The following NNMT variants were observed in gnomAD, a reference collection of about 807,000 sequenced individuals.
NNMT encodes the protein nicotinamide N-methyltransferase.
A neutral mutation model predicts 11.7 loss-of-function variants in NNMT; 10 were observed. The observed-to-expected ratio is 0.85, with a 90% CI of 0.53 to 1.45. The LOEUF is 1.45. NNMT is among the 40% of genes most tolerant of loss of function. The pLI is 0.00. For synonymous variants in NNMT, 143 were observed against 133.8 expected, an observed-to-expected ratio of 1.07 and a Z score of -0.48; for missense variants, 381 against 319.4, an observed-to-expected ratio of 1.19 and a Z score of -1.47.
chr11:114,265,996 G>A (rs947212887), intron 2 of NNMT, among the ~76,000 whole-genome samples: 5 of 152,082 alleles, frequency 3.3e-5, no homozygotes, highest in Non-Finnish European at 1.5e-5. Flanking sequence ...TTTTAATAAT[G>A]AGCCTTTAAT....
intron 2 of NNMT, among the ~76,000 whole-genome samples, chr11:114,305,533 G>A (rs1945482974): frequency 7.2e-6 from 1 of 139,540 alleles, no homozygotes; most frequent in Admixed American, 7.6e-5. Flanking sequence ...GGTGTGTGAT[G>A]TTCCCCACCC....
At chr11:114,289,463 T>C (rs1037927959) in intron 2 of NNMT, among the ~76,000 whole-genome samples, 2 of 152,184 alleles carry the variant, frequency 1.3e-5, no homozygotes, top group African/African-American at 4.8e-5. Context: ...ACTTTCAGTT[T>C]TTCTTCTTTA....
At chr11:114,298,183 T>C in intron 2 of NNMT, 25 bp downstream of exon 2, 1 of 1,609,964 alleles carries the variant, frequency 6.2e-7, no homozygotes, top group East Asian at 2.2e-5. Flanking sequence ...GTCTACTTCT[T>C]GGCTTTTGAA....
intron 2 of NNMT, among the ~76,000 whole-genome samples, chr11:114,283,648 T>A (rs1000580651): frequency 2.0e-5 from 3 of 152,226 alleles, no homozygotes; most frequent in African/African-American, 4.8e-5. Flanking sequence ...CTTAGTTTTC[T>A]TTACAGAATC....
intron 2 of NNMT, among the ~76,000 whole-genome samples, chr11:114,306,045 G>C (rs1945489359): frequency 1.3e-5 from 2 of 151,808 alleles, no homozygotes; most frequent in African/African-American, 2.4e-5. Flanking sequence ...ACCATTCTAA[G>C]TGGTGTGAGA....
At chr11:114,281,594 CACA>C (rs1464806326) in intron 2 of NNMT, among the ~76,000 whole-genome samples, 1 of 152,146 alleles carries the variant, frequency 6.6e-6, no homozygotes, top group Admixed American at 6.5e-5. Context: ...AAAGTCAAGA[CACA>C]ACATGAGAGG....
intron 1 of NNMT, among the ~76,000 whole-genome samples, chr11:114,258,342 G>A (rs1945047356): frequency 6.6e-6 from 1 of 152,250 alleles, no homozygotes; most frequent in Non-Finnish European, 1.5e-5. Flanking sequence ...GTCGCTCTGA[G>A]GAACTCCTCT....
At chr11:114,260,138 C>T (rs1302000786) in intron 1 of NNMT, among the ~76,000 whole-genome samples, 1 of 152,190 alleles carries the variant, frequency 6.6e-6, no homozygotes, top group Non-Finnish European at 1.5e-5. Context: ...TGCCTTTCAG[C>T]CTTCACTTGT....
chr11:114,305,008 C>T (rs1003375413), intron 2 of NNMT, among the ~76,000 whole-genome samples: 2 of 152,212 alleles, frequency 1.3e-5, no homozygotes, highest in African/African-American at 4.8e-5. Context: ...ACCTATGGTT[C>T]CTGGAACTTG....
rs763377091 is a variant in NNMT at position 114,298,174 on chromosome 11, T to A, written c.362+16T>A. On this transcript the variant is annotated intron_variant, in intron 2 of 2. Transcript: ENST00000299964. ...AAGGGAACAGGTAGAGAAACTGGTG[T>A]CTACTTCTTGGCTTTTGAAGGTACC... 6.2e-7 allele frequency: 1 copy of A among 1,612,246 alleles called. No homozygotes were observed. Among genetic ancestry groups the A allele is most frequent in the Admixed American group, 1.7e-5 (1 of 59,936 alleles).
chr11:114,304,000 G>T (rs753752084), intron 2 of NNMT, among the ~76,000 whole-genome samples: 42 of 152,078 alleles, frequency 2.8e-4, no homozygotes, highest in Non-Finnish European at 5.4e-4. Context: ...TCAAAGTGGG[G>T]CTATATTCTT....
chr11:114,278,495 C>T (rs935751427), intron 2 of NNMT, among the ~76,000 whole-genome samples: 3 of 152,054 alleles, frequency 2.0e-5, no homozygotes, highest in African/African-American at 7.2e-5. Flanking sequence ...GGCACTGTCC[C>T]TAGAAGGCAC....
intron 2 of NNMT, among the ~76,000 whole-genome samples, chr11:114,308,568 G>C (rs1452301339): frequency 1.3e-5 from 2 of 152,118 alleles, no homozygotes; most frequent in African/African-American, 4.8e-5. Context: ...TATTTACAGA[G>C]GACAGGGCTA....
At chr11:114,265,630 C>T (rs1945114209) in intron 2 of NNMT, among the ~76,000 whole-genome samples, 8 of 152,134 alleles carry the variant, frequency 5.3e-5, no homozygotes, top group Admixed American at 5.2e-4. Flanking sequence ...AGGACCAGCC[C>T]AATTCCTGCT....
At chr11:114,309,496 A>T (rs1945528216) in intron 2 of NNMT, among the ~76,000 whole-genome samples, 1 of 152,154 alleles carries the variant, frequency 6.6e-6, no homozygotes, top group Non-Finnish European at 1.5e-5. Flanking sequence ...GGTAGACCCA[A>T]CCAAGGATAA....
rs140075187 is a variant in NNMT at position 114,259,531 on chromosome 11, A to G, written c.-217+1653A>G. Among the ~76,000 whole-genome samples, 80 of 152,286 alleles carry G rather than the reference A, an allele frequency of 5.3e-4. No individual in the cohort carries two copies. In the South Asian group the frequency reaches 0.016, roughly 30 times the overall value. On this transcript the variant is annotated intron_variant, in intron 1 of 4. Coordinates refer to the NNMT transcript ENST00000535401. ...GGCAGGAGAGGGGCTGGGGGGTTGC[A>G]TATGTAGACACCTGGTCCTTGGCCC...
intron 2 of NNMT, among the ~76,000 whole-genome samples, chr11:114,289,844 T>C (rs1945322423): frequency 6.6e-6 from 1 of 152,186 alleles, no homozygotes; most frequent in Non-Finnish European, 1.5e-5. Flanking sequence ...CAAAATGCCA[T>C]AAACGAGGTG....
intron 2 of NNMT, among the ~76,000 whole-genome samples, chr11:114,309,166 T>C (rs1327745565): frequency 6.6e-6 from 1 of 152,246 alleles, no homozygotes; most frequent in Non-Finnish European, 1.5e-5. Context: ...TTTATTATTA[T>C]TCCTATGTGC....
Position 114,312,552 on chromosome 11 carries a change from C to T in NNMT, c.*75C>T. ...TAGTCCTTGTTTCTAACTGCCAAGT[C>T]ATGTGCTGAGTAGAGGCTCAGTGGT... On this transcript the variant is annotated 3_prime_UTR_variant, in exon 3 of 3. Transcript: ENST00000299964. 6.9e-7 allele frequency: 1 copy of T among 1,447,108 alleles called. No individual in the cohort carries two copies. The highest frequency in any genetic ancestry group is 9.4e-7 in the Non-Finnish European group (1 of 1,058,530). The allele number at this position is 1,447,108 out of a possible 1,614,324, so 89.6% of individuals were successfully genotyped here. A position where few individuals can be genotyped will look rare whatever the true frequency, so the allele number is the denominator to read the frequency against.
Sources: gnomAD v4.1 joint callset for allele counts (sites outside exome capture counted in the v4.1 genomes callset) on GRCh38, gnomAD v4.1.1 for gene constraint, MANE v1.5 for transcripts, NCBI Gene and HGNC (gene_info 2026-07-23, HGNC 2026-07-21) for gene names.